Variants in ARHGEF3 observed in about 807,000 individuals in gnomAD.
The protein encoded by ARHGEF3 is 59.8 kDA protein.
Under a neutral mutation model 63.2 loss-of-function variants are expected in ARHGEF3, and 28 were observed. The observed-to-expected ratio is 0.44, with a 90% CI of 0.33 to 0.61. The LOEUF (loss-of-function observed/expected upper bound fraction) is 0.61, where lower values mean the gene tolerates loss of function less well. ARHGEF3 is among the 20% of genes least tolerant of loss of function. The pLI, the probability that ARHGEF3 is intolerant of heterozygous loss-of-function variation, is 0.03. For synonymous variants in ARHGEF3, 266 were observed against 254.2 expected, an observed-to-expected ratio of 1.05 and a Z score of -0.44; for missense variants, 533 against 659.3, an observed-to-expected ratio of 0.81 and a Z score of 2.10.
chr3:56,770,543 G>A (rs886349754), intron 2 of ARHGEF3, among the ~76,000 whole-genome samples: 22 of 152,216 alleles, frequency 1.4e-4, no homozygotes, highest in Non-Finnish European at 1.5e-5. Context: ...TGGAAATAAT[G>A]CCATAGAAGT....
intron 1 of ARHGEF3, among the ~76,000 whole-genome samples, chr3:57,061,156 C>A (rs1705203446): frequency 6.6e-6 from 1 of 152,116 alleles, no homozygotes; most frequent in South Asian, 2.1e-4. Flanking sequence ...TCTCCCAGCC[C>A]CTACTGTATT....
At chr3:56,954,327 C>T (rs756313740) in intron 3 of ARHGEF3, among the ~76,000 whole-genome samples, 1 of 152,174 alleles carries the variant, frequency 6.6e-6, no homozygotes, top group African/African-American at 2.4e-5. Context: ...CCCACCCCAA[C>T]AGGAGGAGCT....
At chr3:56,957,971 A>T (rs1023362272) in intron 3 of ARHGEF3, among the ~76,000 whole-genome samples, 2 of 152,156 alleles carry the variant, frequency 1.3e-5, no homozygotes, top group African/African-American at 2.4e-5. Flanking sequence ...ACCTTGCATC[A>T]AGAAGTTCAA....
chr3:56,796,508 C>T lies in ARHGEF3; in HGVS notation c.96+5195G>A, dbSNP rs547940180. Among the ~76,000 whole-genome samples, 6 of 152,356 alleles carry T rather than the reference C, an allele frequency of 3.9e-5. No homozygotes were observed. The East Asian group carries it at 1.2e-3, about 29-fold the overall frequency. On this transcript the variant is annotated intron_variant, in intron 1 of 9. Transcript: ENST00000296315. ...ACAAAATGAAAATTACTAAAACCCT[C>T]CCAAATGGGGGCTTGCAAATCCCAC...
chr3:57,052,816 A>G (rs1320985926), intron 1 of ARHGEF3, among the ~76,000 whole-genome samples: 1 of 152,178 alleles, frequency 6.6e-6, no homozygotes, highest in Non-Finnish European at 1.5e-5. Context: ...GACACCCAGC[A>G]GGAGTACCCA....
At chr3:57,041,354 A>C (rs1704179614) in intron 1 of ARHGEF3, among the ~76,000 whole-genome samples, 1 of 152,148 alleles carries the variant, frequency 6.6e-6, no homozygotes, top group Non-Finnish European at 1.5e-5. Flanking sequence ...GAGGCACAGA[A>C]TGGTGAATTA....
At chr3:56,860,041 G>GAT (rs2040018007) in intron 4 of ARHGEF3, among the ~76,000 whole-genome samples, 2 of 150,264 alleles carry the variant, frequency 1.3e-5, no homozygotes, top group African/African-American at 4.9e-5. Context: ...GGTCTCAAGA[G>GAT]AGATAGATAG....
intron 4 of ARHGEF3, among the ~76,000 whole-genome samples, chr3:56,829,961 C>T (rs1466307545): frequency 6.6e-6 from 1 of 152,218 alleles, no homozygotes; most frequent in East Asian, 1.9e-4. Flanking sequence ...TTAGGATTTA[C>T]TATCCGATGA....
chr3:56,783,345 A>G (rs1443690331), intron 1 of ARHGEF3, among the ~76,000 whole-genome samples: 2 of 152,202 alleles, frequency 1.3e-5, no homozygotes, highest in African/African-American at 2.4e-5. Context: ...AAAATGAAGG[A>G]AAGGTGGGGG....
chr3:56,835,066 A>C (rs1293305325), intron 4 of ARHGEF3, among the ~76,000 whole-genome samples: 1 of 152,236 alleles, frequency 6.6e-6, no homozygotes, highest in Non-Finnish European at 1.5e-5. Context: ...TTTTTACTTA[A>C]AGATGAATTG....
Position 56,745,340 on chromosome 3 carries a change from G to C in ARHGEF3, c.735C>G (p.Pro245=). 5 of 1,614,076 alleles carry C rather than the reference G, an allele frequency of 3.1e-6. No homozygotes were observed. Among genetic ancestry groups the C allele is most frequent in the Non-Finnish European group, 4.2e-6 (5 of 1,180,020 alleles). ...TCCAGAGATCTAGTTTGCGGCTAAAGGGGGATTCTAAACATCGCTGTAGGA... is the reference window on the plus strand; with the variant it reads ...TCCAGAGATCTAGTTTGCGGCTAAACGGGGATTCTAAACATCGCTGTAGGA... ...QDFLQRCLES[P]FSRKLDLWNF... The change falls in exon 7 of 10, where the codon CCC becomes CCG. Residue 245 remains proline, a synonymous_variant. Transcript: ENST00000296315.
chr3:56,958,807 C>G (rs71309989), intron 3 of ARHGEF3: 1 of 1,548,984 alleles, frequency 6.5e-7, no homozygotes. Context: ...CAGGGGCTAC[C>G]CAGGGCAACA....
chr3:56,826,525 C>A (rs1345677084), intron 4 of ARHGEF3, among the ~76,000 whole-genome samples: 1 of 152,070 alleles, frequency 6.6e-6, no homozygotes, highest in Non-Finnish European at 1.5e-5. Flanking sequence ...CAAAAACAAA[C>A]CCATGAGGGC....
intron 3 of ARHGEF3, among the ~76,000 whole-genome samples, chr3:56,906,106 GC>G (rs2041675875): frequency 6.6e-6 from 1 of 151,992 alleles, no homozygotes; most frequent in South Asian, 2.1e-4. Flanking sequence ...CTCGTGCTCT[GC>G]CCACCTTGGC....
chr3:56,778,293 A>G (rs950055031), intron 1 of ARHGEF3, among the ~76,000 whole-genome samples: 1 of 152,168 alleles, frequency 6.6e-6, no homozygotes, highest in African/African-American at 2.4e-5. Context: ...GTAGTGAGCA[A>G]TTTGCTTAAA....
rs869145503 is a variant in ARHGEF3, at chr3:57,042,700, A to AT, written c.-27-7525dup. ...TATATATATATATATATATATATAT[A>AT]TTTTTTTTTTTTTTTAGACGGAGTC... On this transcript the variant is annotated intron_variant, in intron 1 of 12. Coordinates refer to the ARHGEF3 transcript ENST00000338458. 1.2e-3 allele frequency among the ~76,000 whole-genome samples: 79 copies of AT among 66,130 alleles called. 3 individuals carry two copies. Among genetic ancestry groups the AT allele is most frequent in the African/African-American group, 2.4e-3 (49 of 20,010 alleles). The allele number at this position is 66,130 out of a possible 152,430, so 43.4% of individuals were successfully genotyped here.
At chr3:56,784,828 C>T (rs755828673) in intron 1 of ARHGEF3, among the ~76,000 whole-genome samples, 2 of 152,134 alleles carry the variant, frequency 1.3e-5, no homozygotes, top group Admixed American at 6.5e-5. Flanking sequence ...GGTCAGAGTG[C>T]AATACCCTAC....
At chr3:56,801,332 G>C (rs1578553017) in intron 1 of ARHGEF3, among the ~76,000 whole-genome samples, 2 of 152,182 alleles carry the variant, frequency 1.3e-5, no homozygotes, top group African/African-American at 4.8e-5. Context: ...ACACTTCCCT[G>C]ACACTGGGGC....
intron 4 of ARHGEF3, among the ~76,000 whole-genome samples, chr3:56,814,399 G>C (rs529099835): frequency 6.6e-6 from 1 of 152,312 alleles, no homozygotes; most frequent in South Asian, 2.1e-4. Context: ...GAAGCCAAAA[G>C]ATTGGACACC....
Sources: allele counts gnomAD v4.1 joint callset (sites outside exome capture counted in the v4.1 genomes callset), GRCh38; gene constraint gnomAD v4.1.1; transcripts MANE v1.5; gene names NCBI Gene and HGNC (gene_info 2026-07-23, HGNC 2026-07-21).